NOS1AP: variants seen among roughly 807,000 people sequenced by gnomAD.
NOS1AP encodes the protein nitric oxide synthase 1 adaptor protein, also known as carboxyl-terminal PDZ ligand of neuronal nitric oxide synthase protein.
A neutral mutation model predicts 56.2 loss-of-function variants in NOS1AP; 21 were observed. That is an observed-to-expected ratio of 0.37 (90% CI 0.26 to 0.54). NOS1AP has a LOEUF of 0.54. Among genes scored for constraint, NOS1AP ranks in the 20% least tolerant of loss-of-function variants. The pLI is 0.84. For synonymous variants in NOS1AP, 270 were observed against 274.6 expected, an observed-to-expected ratio of 0.98 and a Z score of 0.17; for missense variants, 522 against 657.8, an observed-to-expected ratio of 0.79 and a Z score of 2.26.
intron 2 of NOS1AP, among the ~76,000 whole-genome samples, chr1:162,167,168 G>A (rs1274088312): frequency 1.1e-4 from 16 of 152,184 alleles, no homozygotes; most frequent in Non-Finnish European, 1.8e-4. Context: ...ATGACAAATT[G>A]CTTCTTCACA....
chr1:162,167,201 C>T (rs1006250883), intron 2 of NOS1AP, among the ~76,000 whole-genome samples: 3 of 152,180 alleles, frequency 2.0e-5, no homozygotes, highest in African/African-American at 4.8e-5. Context: ...TGCTTTCTAA[C>T]CAGTTGGAAT....
chr1:162,176,391 T>G (rs530483277), intron 2 of NOS1AP, among the ~76,000 whole-genome samples: 1 of 152,304 alleles, frequency 6.6e-6, no homozygotes, highest in African/African-American at 2.4e-5. Flanking sequence ...TTTTTGCTTT[T>G]TCTAGAATGC....
In NOS1AP at chr1:162,339,651, C is replaced by T. The variant is rs1024068944; in HGVS notation, c.454-4184C>T. On this transcript the variant is annotated intron_variant, in intron 5 of 9. Coordinates refer to ENST00000361897, the MANE Select transcript of NOS1AP (RefSeq NM_014697.3). ...GGGACTTTTTAAAGCTGCTATTTAC[C>T]AGAGTTCTCCCTCTTGGGTGCAGAC... Among the ~76,000 whole-genome samples, 7 of 152,178 alleles carry T rather than the reference C, an allele frequency of 4.6e-5. 1 individual carries two copies. The South Asian group carries it at 1.5e-3, about 32-fold the overall frequency.
intron 4 of NOS1AP, among the ~76,000 whole-genome samples, chr1:162,326,681 G>A (rs1189942507): frequency 6.6e-6 from 1 of 152,168 alleles, no homozygotes; most frequent in Non-Finnish European, 1.5e-5. Flanking sequence ...GTTTCAGTCT[G>A]CACATTGGCA....
chr1:162,222,143 A>G (rs971451962), intron 2 of NOS1AP, among the ~76,000 whole-genome samples: 6 of 152,118 alleles, frequency 3.9e-5, no homozygotes, highest in African/African-American at 1.4e-4. Context: ...GGTGGTGCCA[A>G]TTTCGTTAGG....
At chr1:162,125,782 A>G (rs1648463246) in intron 1 of NOS1AP, among the ~76,000 whole-genome samples, 1 of 152,120 alleles carries the variant, frequency 6.6e-6, no homozygotes, top group African/African-American at 2.4e-5. Context: ...TATGAATTTT[A>G]GGATTGTTTT....
chr1:162,136,299 A>T (rs1014661771), intron 1 of NOS1AP, among the ~76,000 whole-genome samples: 1 of 152,126 alleles, frequency 6.6e-6, no homozygotes, highest in Non-Finnish European at 1.5e-5. Context: ...TTTTTAATGT[A>T]TGGTGTTATT....
At chr1:162,334,747 TTAA>T (rs1239395331) in intron 5 of NOS1AP, among the ~76,000 whole-genome samples, 9 of 152,226 alleles carry the variant, frequency 5.9e-5, no homozygotes, top group African/African-American at 2.2e-4. Flanking sequence ...TCTTTAATAG[TTAA>T]TCTTATTTTA....
intron 2 of NOS1AP, among the ~76,000 whole-genome samples, chr1:162,160,484 T>C (rs1226422273): frequency 6.6e-6 from 1 of 152,214 alleles, no homozygotes; most frequent in Non-Finnish European, 1.5e-5. Context: ...CGGGCGGCTT[T>C]ATGGAGGCAG....
chr1:162,075,754 C>T (rs1380097555), intron 1 of NOS1AP, among the ~76,000 whole-genome samples: 1 of 147,748 alleles, frequency 6.8e-6, no homozygotes, highest in East Asian at 1.9e-4. Flanking sequence ...TTTAAAAACA[C>T]TTATCTTCTG....
intron 5 of NOS1AP, among the ~76,000 whole-genome samples, chr1:162,335,791 A>C (rs557126902): frequency 6.6e-6 from 1 of 152,294 alleles, no homozygotes; most frequent in South Asian, 2.1e-4. Context: ...GTATATGCTC[A>C]TGACCTCTAA....
chr1:162,347,495 T>G (rs1657341921), intron 6 of NOS1AP, among the ~76,000 whole-genome samples: 1 of 152,240 alleles, frequency 6.6e-6, no homozygotes, highest in African/African-American at 2.4e-5. Flanking sequence ...CTCCAAGTAC[T>G]TAATCAGAAC....
In NOS1AP at chr1:162,166,920, C is replaced by A. The variant is rs114057967; in HGVS notation, c.177+12444C>A. Among the ~76,000 whole-genome samples, 776 of 152,264 alleles carry A rather than the reference C, an allele frequency of 5.1e-3. 7 individuals carry two copies. Among genetic ancestry groups the A allele is most frequent in the African/African-American group, 0.016 (679 of 41,544 alleles). ...CAGGATCCTTTGCTGGGTGGAAGCT[C>A]CTCGCCTACTAATGCGGGTGCCCTG... is the stretch of plus-strand genomic sequence containing the variant. On this transcript the variant is annotated intron_variant, in intron 2 of 9. Transcript: ENST00000361897.
intron 1 of NOS1AP, among the ~76,000 whole-genome samples, chr1:162,096,422 T>C (rs1474375141): frequency 6.6e-6 from 1 of 152,160 alleles, no homozygotes; most frequent in African/African-American, 2.4e-5. Context: ...TTTTAAAACA[T>C]TACAAAATAT....
Position 162,367,614 on chromosome 1 carries a change from T to A in NOS1AP, c.*147T>A. ...AGAGTGTGAGGTTTCAGGAAAGTAT[T>A]GAGATTCTGCTTTGGAGGGTAAAGT... On this transcript the variant is annotated 3_prime_UTR_variant, in exon 10 of 10. Transcript: ENST00000361897. This position sits in a 1 kb window ranked among gnomAD's most constrained non-coding sequence, Gnocchi z 6.5. 1.1e-6 allele frequency: 1 copy of A among 892,194 alleles called. No homozygotes were observed. The highest frequency in any genetic ancestry group is 1.7e-6 in the Non-Finnish European group (1 of 602,956). 55.3% of individuals were successfully genotyped at this position (892,194 alleles called of 1,614,324 possible).
At chr1:162,255,708 A>T (rs994096151) in intron 2 of NOS1AP, among the ~76,000 whole-genome samples, 1 of 151,970 alleles carries the variant, frequency 6.6e-6, no homozygotes, top group African/African-American at 2.4e-5. Flanking sequence ...CCTCTGTAGC[A>T]TTGTGAACTC....
At chr1:162,310,147 T>C (rs1439961580) in intron 4 of NOS1AP, among the ~76,000 whole-genome samples, 1 of 152,166 alleles carries the variant, frequency 6.6e-6, no homozygotes, top group Non-Finnish European at 1.5e-5. Flanking sequence ...AATCCCGGAA[T>C]GCATTCCCTT....
At chr1:162,298,693 T>TA (rs370470876) in intron 3 of NOS1AP, among the ~76,000 whole-genome samples, 23 of 151,868 alleles carry the variant, frequency 1.5e-4, no homozygotes, top group African/African-American at 4.1e-4. Context: ...TCAACTTCTG[T>TA]AAAAAAAAGA....
rs1360411398 is a variant in NOS1AP at position 162,296,228 on chromosome 1, A to G, written c.271-4405A>G. On this transcript the variant is annotated intron_variant, in intron 3 of 9. Coordinates refer to ENST00000361897, the MANE Select transcript of NOS1AP (RefSeq NM_014697.3). ...CTTGAACCCAATAGGTGGAGCTTGC[A>G]GTGAGCCGAGATCGCGCCACTGCAC... 3.3e-5 allele frequency among the ~76,000 whole-genome samples: 5 copies of G among 152,154 alleles called. No individual in the cohort carries two copies. In the East Asian group the frequency reaches 9.6e-4, roughly 29 times the overall value.
Sources: allele counts gnomAD v4.1 joint callset (sites outside exome capture counted in the v4.1 genomes callset), GRCh38; gene constraint gnomAD v4.1.1; non-coding constraint Gnocchi (gnomAD v3.1); transcripts MANE v1.5; gene names NCBI Gene and HGNC (gene_info 2026-07-23, HGNC 2026-07-21).